HSD17B12: variants seen among roughly 807,000 people sequenced by gnomAD.
HSD17B12 encodes the protein hydroxysteroid 17-beta dehydrogenase 12, also known as very-long-chain 3-oxoacyl-CoA reductase.
A neutral mutation model predicts 39.3 loss-of-function variants in HSD17B12; 32 were observed. That is an observed-to-expected ratio of 0.81 (90% CI 0.61 to 1.09). The LOEUF (loss-of-function observed/expected upper bound fraction) is 1.09. Among genes scored for constraint, HSD17B12 ranks in the 50% least tolerant of loss-of-function variants. The probability of loss-of-function intolerance (pLI) is 0.00; values close to 1 mark genes in which losing one functional copy is unlikely to be tolerated. For missense variants in HSD17B12, 342 were observed against 382.9 expected, an observed-to-expected ratio of 0.89 and a Z score of 0.89; for synonymous variants, 150 against 146.7, an observed-to-expected ratio of 1.02 and a Z score of -0.16.
chr11:43,658,015 C>A, the HSD17B12 span, among the ~76,000 whole-genome samples: 1 of 152,212 alleles, frequency 6.6e-6, no homozygotes, highest in South Asian at 2.1e-4. Flanking sequence ...CCATTCTCCC[C>A]GTCACTTTCA....
At chr11:43,664,670 T>C in the HSD17B12 span, among the ~76,000 whole-genome samples, 5 of 152,230 alleles carry the variant, frequency 3.3e-5, no homozygotes, top group Non-Finnish European at 5.9e-5. Context: ...AGCCTGGAAC[T>C]TCCCTTGAAG....
intron 6 of HSD17B12, among the ~76,000 whole-genome samples, chr11:43,818,732 C>G (rs1490908430): frequency 6.6e-6 from 1 of 152,070 alleles, no homozygotes; most frequent in African/African-American, 2.4e-5. Context: ...GAGCAAGACT[C>G]TCATGCACAA....
intron 1 of HSD17B12, among the ~76,000 whole-genome samples, chr11:43,685,873 GCA>G (rs1949793296): frequency 6.6e-6 from 1 of 152,136 alleles, no homozygotes; most frequent in Non-Finnish European, 1.5e-5. Flanking sequence ...CCAAAAAAAG[GCA>G]CAGTTTCAAA....
rs147508906 is a variant in HSD17B12, at chr11:43,684,041, T to G, written c.160+3054T>G. 7.7e-4 allele frequency among the ~76,000 whole-genome samples: 117 copies of G among 152,344 alleles called. 3 individuals are homozygous for G. The East Asian group carries it at 0.019, about 25-fold the overall frequency. Reference sequence around the variant, plus strand: ...ATTCTAGATAACAGTTTCCTTAGTGTTGTTAGGCTTTCAAGACTGTCCATT... The same window carrying G: ...ATTCTAGATAACAGTTTCCTTAGTGGTGTTAGGCTTTCAAGACTGTCCATT... On this transcript the variant is annotated intron_variant, in intron 1 of 10. Coordinates refer to ENST00000278353, the MANE Select transcript of HSD17B12 (RefSeq NM_016142.3).
At chr11:43,788,266 A>G (rs1173065306) in intron 3 of HSD17B12, among the ~76,000 whole-genome samples, 3 of 152,194 alleles carry the variant, frequency 2.0e-5, no homozygotes, top group Admixed American at 2.0e-4. Context: ...ACTTACCTCA[A>G]GAAAAGATTC....
chr11:43,819,973 G>A (rs769906077), intron 6 of HSD17B12, among the ~76,000 whole-genome samples: 2 of 152,116 alleles, frequency 1.3e-5, no homozygotes, highest in Non-Finnish European at 2.9e-5. Context: ...GGAATCAATG[G>A]ATCATGGAAT....
chr11:43,592,636 C>CT, the HSD17B12 span, among the ~76,000 whole-genome samples: 2 of 152,124 alleles, frequency 1.3e-5, no homozygotes, highest in East Asian at 1.9e-4. Flanking sequence ...TGCATACATC[C>CT]TTTTCCCTGC....
At chr11:43,851,097 T>A (rs1387390886) in intron 9 of HSD17B12, among the ~76,000 whole-genome samples, 1 of 152,208 alleles carries the variant, frequency 6.6e-6, no homozygotes, top group African/African-American at 2.4e-5. Flanking sequence ...TTATTTTTTT[T>A]ATTTTTATTG....
intron 6 of HSD17B12, among the ~76,000 whole-genome samples, chr11:43,824,074 C>T (rs1951209064): frequency 6.6e-6 from 1 of 152,036 alleles, no homozygotes; most frequent in South Asian, 2.1e-4. Context: ...TGGGAAAAAT[C>T]TGAAAATTGG....
At chr11:43,727,326 C>T (rs761094764) in intron 1 of HSD17B12, among the ~76,000 whole-genome samples, 6 of 152,096 alleles carry the variant, frequency 3.9e-5, no homozygotes, top group African/African-American at 7.2e-5. Context: ...GCTACTCTTA[C>T]GTTATTGGGA....
chr11:43,758,633 T>C (rs1950531820), intron 3 of HSD17B12, among the ~76,000 whole-genome samples: 2 of 152,188 alleles, frequency 1.3e-5, no homozygotes, highest in East Asian at 1.9e-4. Flanking sequence ...GGTTCTCTCA[T>C]GGTAAATGTG....
intron 6 of HSD17B12, among the ~76,000 whole-genome samples, chr11:43,819,484 A>G (rs2135088046): frequency 6.6e-6 from 1 of 152,306 alleles, no homozygotes; most frequent in South Asian, 2.1e-4. Flanking sequence ...AAGACCAAAT[A>G]GGGGAAAGTA....
At chr11:43,686,569 C>T (rs528854910) in intron 1 of HSD17B12, among the ~76,000 whole-genome samples, 19 of 150,546 alleles carry the variant, frequency 1.3e-4, no homozygotes, top group Non-Finnish European at 2.4e-4. Context: ...ACTCCCCTCC[C>T]GACTAGCCCC....
the HSD17B12 span, among the ~76,000 whole-genome samples, chr11:43,618,944 A>T: frequency 6.6e-6 from 1 of 151,702 alleles, no homozygotes. Flanking sequence ...GGGCTCAGAC[A>T]TGCACTCAAG....
chr11:43,787,899 C>T (rs1950830799), intron 3 of HSD17B12, among the ~76,000 whole-genome samples: 1 of 151,816 alleles, frequency 6.6e-6, no homozygotes, highest in Admixed American at 6.6e-5. Flanking sequence ...AGTGGGAGAT[C>T]CAGACCTTGA....
the HSD17B12 span, among the ~76,000 whole-genome samples, chr11:43,616,419 AAAAAAC>A: frequency 1.1e-4 from 6 of 54,694 alleles, no homozygotes; most frequent in Non-Finnish European, 2.1e-4. Context: ...AAAAAAAAAC[AAAAAAC>A]AAAAAAAAAA....
intron 1 of HSD17B12, among the ~76,000 whole-genome samples, chr11:43,699,728 A>G (rs1415413843): frequency 6.6e-6 from 1 of 152,248 alleles, no homozygotes; most frequent in Non-Finnish European, 1.5e-5. Context: ...AGGTGATCCC[A>G]AGAAACACCA....
At chr11:43,680,517 T>G, upstream of HSD17B12, 3 of 407,410 alleles carry the variant, frequency 7.4e-6, no homozygotes, top group Non-Finnish European at 1.4e-5. Context: ...CTGCAGCCAA[T>G]GAGAGACCGG....
intron 3 of HSD17B12, among the ~76,000 whole-genome samples, chr11:43,771,820 G>C (rs1430752522): frequency 6.6e-6 from 1 of 151,928 alleles, no homozygotes; most frequent in Non-Finnish European, 1.5e-5. Context: ...TTTCTTTCAA[G>C]ATCTTTGGTA....
Sources: allele counts gnomAD v4.1 joint callset (sites outside exome capture counted in the v4.1 genomes callset), GRCh38; gene constraint gnomAD v4.1.1; transcripts MANE v1.5; gene names NCBI Gene and HGNC (gene_info 2026-07-23, HGNC 2026-07-21).